The following EXOSC7 variants were observed in gnomAD, a reference collection of about 807,000 sequenced individuals.
EXOSC7 encodes the protein exosome component 7.
A neutral mutation model predicts 34.3 loss-of-function variants in EXOSC7; 25 were observed. That is an observed-to-expected ratio of 0.73 (90% CI 0.53 to 1.02). The LOEUF (loss-of-function observed/expected upper bound fraction) is 1.02. Ranked by LOEUF, EXOSC7 falls within the 50% of genes least tolerant of loss-of-function variation. EXOSC7 has a pLI of 0.00. For missense variants in EXOSC7, 370 were observed against 368.5 expected, an observed-to-expected ratio of 1.00 and a Z score of -0.03; for synonymous variants, 130 against 143.0, an observed-to-expected ratio of 0.91 and a Z score of 0.65.
chr3:44,977,278 C>T (rs1706098649), intron 1 of EXOSC7: 1 of 152,252 alleles, frequency 6.6e-6, no homozygotes, highest in South Asian at 2.1e-4. Flanking sequence ...AGTTCTTCAT[C>T]CCATCCTTGG....
At chr3:45,008,663 T>C (rs749992063) in intron 7 of EXOSC7, among the ~76,000 whole-genome samples, 23 of 152,216 alleles carry the variant, frequency 1.5e-4, no homozygotes, top group Admixed American at 1.5e-3. Flanking sequence ...GTGCCTGATA[T>C]GTCATCAGTT....
chr3:44,992,297 G>C (rs1044252973), intron 3 of EXOSC7, among the ~76,000 whole-genome samples: 1 of 152,142 alleles, frequency 6.6e-6, no homozygotes, highest in African/African-American at 2.4e-5. Flanking sequence ...GGTGGTGAGG[G>C]TTTCTTCTGC....
At chr3:45,006,345 C>T (rs1333394747) in intron 6 of EXOSC7, among the ~76,000 whole-genome samples, 5 of 148,060 alleles carry the variant, frequency 3.4e-5, no homozygotes, top group East Asian at 2.0e-4. Context: ...CCCAAAGTGC[C>T]GGGATTACAG....
rs529617788 is a variant in EXOSC7, at chr3:44,990,621, C to G, written c.254+977C>G. Reference sequence around the variant, plus strand: ...TGATACTCACAGCTAAGGTTTATTACAGCAGTGAAAATGCAGTAACTTATT... The same window carrying G: ...TGATACTCACAGCTAAGGTTTATTAGAGCAGTGAAAATGCAGTAACTTATT... On this transcript the variant is annotated intron_variant, in intron 3 of 7. Coordinates refer to ENST00000265564, the MANE Select transcript of EXOSC7 (RefSeq NM_015004.4). 4.6e-5 allele frequency among the ~76,000 whole-genome samples: 7 copies of G among 152,294 alleles called. No individual in the cohort carries two copies. In the East Asian group the frequency reaches 1.3e-3, roughly 29 times the overall value.
chr3:44,976,354 T>C lies in EXOSC7; in HGVS notation c.57+20T>C. 3 of 1,563,782 alleles carry C rather than the reference T, an allele frequency of 1.9e-6. No individual in the cohort carries two copies. In the African/African-American group the frequency reaches 4.2e-5, roughly 22 times the overall value. ...GTCCAGGTAGCTACAGCAGCGGCGT[T>C]GGGTCGGCCGCCGGGTTCAGCCTGG... On this transcript the variant is annotated intron_variant, in intron 1 of 7. Transcript: ENST00000265564.
In EXOSC7 at chr3:45,000,052, G is replaced by GT. The variant is rs556955311; in HGVS notation, c.421-1479dup. 3.7e-3 allele frequency among the ~76,000 whole-genome samples: 566 copies of GT among 152,218 alleles called. 3 individuals carry two copies. Among genetic ancestry groups the GT allele is most frequent in the Non-Finnish European group, 5.9e-3 (399 of 68,000 alleles). ...GATGACCCACCTGTTTCCAGTATTG[G>GT]TTTTTTTCCCCTCAGTTCGGTTATT... is the stretch of plus-strand genomic sequence containing the variant. On this transcript the variant is annotated intron_variant, in intron 4 of 7. Coordinates refer to ENST00000265564, the MANE Select transcript of EXOSC7 (RefSeq NM_015004.4).
chr3:45,010,568 T>G (rs984973708), intron 7 of EXOSC7, among the ~76,000 whole-genome samples: 53 of 152,172 alleles, frequency 3.5e-4, no homozygotes, highest in African/African-American at 1.2e-3. Context: ...TTTTTTGTTT[T>G]GTTTTGTTTT....
At chr3:45,000,259 C>T (rs1255194916) in intron 4 of EXOSC7, among the ~76,000 whole-genome samples, 1 of 152,224 alleles carries the variant, frequency 6.6e-6, no homozygotes. Context: ...GGTTCTTTCA[C>T]AAATAATCAC....
At chr3:44,999,803 A>C (rs1706825559) in intron 4 of EXOSC7, among the ~76,000 whole-genome samples, 1 of 152,240 alleles carries the variant, frequency 6.6e-6, no homozygotes. Flanking sequence ...CATAGTTTTC[A>C]TCAGTGGATG....
chr3:45,011,189 G>A (rs1377205222), intron 7 of EXOSC7, 46 bp from the exon 8 acceptor site: 3 of 1,141,178 alleles, frequency 2.6e-6, no homozygotes, highest in Non-Finnish European at 3.8e-6. Context: ...CAGAGTGTGT[G>A]TGCCTTACAA....
chr3:45,005,407 T>C lies in EXOSC7; in HGVS notation c.608T>C (p.Leu203Pro). 1 of 1,614,128 alleles carries C rather than the reference T, an allele frequency of 6.2e-7. No homozygotes were observed. The highest frequency in any genetic ancestry group is 8.5e-7 in the Non-Finnish European group (1 of 1,179,980). The change falls in exon 6 of 8, where the codon CTG becomes CCG. Residue 203 changes from leucine (L) to proline (P), a missense_variant. By Grantham distance (98) the Leu-to-Pro change is moderately conservative (BLOSUM62 -3). Around this residue, in one of 3 missense-constraint regions of EXOSC7, gnomAD observed 255 missense variants for 246.4 expected, o/e 1.03. Coordinates refer to ENST00000265564, the MANE Select transcript of EXOSC7 (RefSeq NM_015004.4). ...SVENVPCIVT[L>P]CKIGYRHVVD... ...GAGAATGTCCCCTGCATTGTCACTC[T>C]GTGCAAGGTATAACTTGTATTTTAT...
intron 1 of EXOSC7, among the ~76,000 whole-genome samples, chr3:44,987,656 T>G (rs963495466): frequency 3.3e-5 from 5 of 151,948 alleles, no homozygotes; most frequent in African/African-American, 1.2e-4. Context: ...CTGAAGTAAC[T>G]GGAAAACAGT....
intron 1 of EXOSC7, among the ~76,000 whole-genome samples, chr3:44,979,596 T>TC (rs1357443224): frequency 1.7e-5 from 2 of 118,596 alleles, no homozygotes; most frequent in Non-Finnish European, 3.6e-5. Context: ...TGGTTTTTTT[T>TC]TTCCCCCTCT....
chr3:44,993,233 T>A (rs1429315527), intron 3 of EXOSC7, among the ~76,000 whole-genome samples: 1 of 152,118 alleles, frequency 6.6e-6, no homozygotes, highest in Non-Finnish European at 1.5e-5. Context: ...ATACTTACTA[T>A]TGGTCTGGTA....
chr3:45,001,942 C>T, intron 5 of EXOSC7: 1 of 262,840 alleles, frequency 3.8e-6, no homozygotes, highest in Non-Finnish European at 7.3e-6. Flanking sequence ...TGGGTGAACT[C>T]TATGGGGGCA....
downstream of EXOSC7, chr3:45,012,185 G>T (rs975200323): frequency 4.0e-5 from 6 of 151,388 alleles, no homozygotes; most frequent in African/African-American, 1.5e-4. Context: ...TTTTCTAGGG[G>T]AACTGAAACT....
At chr3:45,007,597 A>C (rs376138459) in intron 7 of EXOSC7, 22 bp downstream of exon 7, 20 of 1,582,320 alleles carry the variant, frequency 1.3e-5, no homozygotes, top group African/African-American at 2.7e-5. Context: ...GTTCTGAGGA[A>C]GGTGCAGGGA....
At position 44,996,972 on chromosome 3, in the gene EXOSC7, C is replaced by G. The variant is rs944271477; in HGVS notation, c.255-115C>G. 4 of 1,052,952 alleles carry G rather than the reference C, an allele frequency of 3.8e-6. No individual in the cohort carries two copies. In the African/African-American group the frequency reaches 4.7e-5, roughly 12 times the overall value. 65.2% of individuals were successfully genotyped at this position (1,052,952 alleles called of 1,614,324 possible). A position where few individuals can be genotyped will look rare whatever the true frequency, so the allele number is the denominator to read the frequency against. ...ATCCTTTCCTCATCTCAGTGACTTTCTGTCGAGCAGCTGGCTCTTCCAGCA... is the reference window on the plus strand; with the variant it reads ...ATCCTTTCCTCATCTCAGTGACTTTGTGTCGAGCAGCTGGCTCTTCCAGCA... On this transcript the variant is annotated intron_variant, in intron 3 of 7. Coordinates refer to ENST00000265564, the MANE Select transcript of EXOSC7 (RefSeq NM_015004.4).
intron 7 of EXOSC7, 104 bp from the exon 8 acceptor site, chr3:45,011,131 T>C (rs568506027): frequency 1.4e-4 from 77 of 549,076 alleles, no homozygotes; most frequent in African/African-American, 1.4e-3. Flanking sequence ...AGATGGAATG[T>C]GTACAATGTC....
Sources: allele counts gnomAD v4.1 joint callset (sites outside exome capture counted in the v4.1 genomes callset), GRCh38; gene constraint gnomAD v4.1.1; regional missense constraint gnomAD v4.1.1; transcripts MANE v1.5; gene names NCBI Gene and HGNC (gene_info 2026-07-23, HGNC 2026-07-21).